WDR70: variants seen among roughly 807,000 people sequenced by gnomAD.
WDR70 encodes WD repeat domain 70.
In WDR70, 53 loss-of-function variants were observed where a neutral mutation model predicts 88.6. The observed-to-expected ratio is 0.60, with a 90% CI of 0.48 to 0.75. The LOEUF (loss-of-function observed/expected upper bound fraction) is 0.75, where lower values mean the gene tolerates loss of function less well. Among genes scored for constraint, WDR70 ranks in the 30% least tolerant of loss-of-function variants. The probability of loss-of-function intolerance (pLI) is 0.00; values close to 1 mark genes in which losing one functional copy is unlikely to be tolerated. For missense variants in WDR70, 610 were observed against 823.2 expected (o/e 0.74, Z 3.17); for synonymous variants, 280 against 270.0 (o/e 1.04, Z -0.36).
chr5:37,563,192 C>T lies in WDR70; in HGVS notation c.918-41872C>T, dbSNP rs563745630. On this transcript the variant is annotated intron_variant, in intron 9 of 17. Transcript: ENST00000265107. ...GGCGGGGGGCTGACCCCCCCACCTCCCTCCTGGACGGGGCGGCTGGCCGGG... is the reference window on the plus strand; with the variant it reads ...GGCGGGGGGCTGACCCCCCCACCTCTCTCCTGGACGGGGCGGCTGGCCGGG... Among the ~76,000 whole-genome samples the T allele has an allele frequency of 6.3e-3, 408 of 64,494 alleles. 75 individuals are homozygous for T. Among genetic ancestry groups the T allele is most frequent in the African/African-American group, 0.016 (366 of 22,976 alleles). The allele number at this position is 64,494 out of a possible 152,430, so 42.3% of individuals were successfully genotyped here.
chr5:37,512,419 G>A (rs1740747764), intron 8 of WDR70, among the ~76,000 whole-genome samples: 1 of 151,932 alleles, frequency 6.6e-6, no homozygotes, highest in Non-Finnish European at 1.5e-5. Flanking sequence ...ATGGGGTTTA[G>A]CCATCTTGCC....
intron 5 of WDR70, among the ~76,000 whole-genome samples, chr5:37,422,005 T>C (rs1438965024): frequency 1.3e-5 from 2 of 152,052 alleles, no homozygotes; most frequent in Admixed American, 1.3e-4. Context: ...TACTTCTTAG[T>C]TCTGTTACAG....
At chr5:37,677,087 T>G (rs1746250420) in intron 10 of WDR70, among the ~76,000 whole-genome samples, 1 of 152,168 alleles carries the variant, frequency 6.6e-6, no homozygotes, top group Non-Finnish European at 1.5e-5. Context: ...GATATCCCCT[T>G]TATTATTTTT....
intron 10 of WDR70, among the ~76,000 whole-genome samples, chr5:37,641,128 CT>C (rs1376677356): frequency 1.3e-5 from 2 of 152,288 alleles, no homozygotes; most frequent in African/African-American, 2.4e-5. Flanking sequence ...TTTTTTCCCC[CT>C]GACACAATTT....
intron 9 of WDR70, among the ~76,000 whole-genome samples, chr5:37,529,192 A>G (rs778366839): frequency 1.3e-5 from 2 of 151,950 alleles, no homozygotes; most frequent in Non-Finnish European, 2.9e-5. Flanking sequence ...GCCTATTTTT[A>G]TACCAATATC....
At chr5:37,732,223 G>A (rs756871302) in intron 17 of WDR70, among the ~76,000 whole-genome samples, 7 of 152,094 alleles carry the variant, frequency 4.6e-5, no homozygotes, top group Admixed American at 2.6e-4. Flanking sequence ...AGAGAGATAT[G>A]TGTAGATACA....
At chr5:37,618,255 T>C (rs1744402654) in intron 10 of WDR70, among the ~76,000 whole-genome samples, 1 of 152,232 alleles carries the variant, frequency 6.6e-6, no homozygotes, top group Non-Finnish European at 1.5e-5. Flanking sequence ...TTCATTATAT[T>C]GAATAAGCAG....
intron 10 of WDR70, among the ~76,000 whole-genome samples, chr5:37,658,598 C>T (rs1030110220): frequency 5.3e-5 from 8 of 152,112 alleles, no homozygotes; most frequent in Admixed American, 4.6e-4. Flanking sequence ...CAGAATTAGT[C>T]ACTTCCTCCT....
chr5:37,424,755 T>C (rs1750069330), intron 5 of WDR70, among the ~76,000 whole-genome samples: 1 of 152,104 alleles, frequency 6.6e-6, no homozygotes, highest in Non-Finnish European at 1.5e-5. Context: ...TAACTTTGCG[T>C]TGATGTGAAT....
chr5:37,448,598 G>A (rs1166586040), intron 7 of WDR70, among the ~76,000 whole-genome samples: 1 of 152,100 alleles, frequency 6.6e-6, no homozygotes, highest in Non-Finnish European at 1.5e-5. Flanking sequence ...TTATAGATAA[G>A]CTACAAAGAT....
At chr5:37,398,681 T>C (rs1749102859) in intron 5 of WDR70, among the ~76,000 whole-genome samples, 2 of 152,218 alleles carry the variant, frequency 1.3e-5, no homozygotes, top group Non-Finnish European at 1.5e-5. Context: ...TGCACATGCA[T>C]TCATGTGTGT....
chr5:37,502,258 C>G (rs1287951315), intron 8 of WDR70, among the ~76,000 whole-genome samples: 1 of 151,734 alleles, frequency 6.6e-6, no homozygotes, highest in Non-Finnish European at 1.5e-5. Flanking sequence ...AGTTTGGTTG[C>G]CCTTTATTTT....
rs1254168125 is a variant in WDR70, at chr5:37,470,125, AAAAACAAAAAC to A, written c.687-9704_687-9694del. 1.3e-3 allele frequency among the ~76,000 whole-genome samples: 10 copies of A among 7,452 alleles called. No homozygotes were observed. In the South Asian group the frequency reaches 0.35, roughly 261 times the overall value. The allele number at this position is 7,452 out of a possible 152,430, so 4.9% of individuals were successfully genotyped here. A position where few individuals can be genotyped will look rare whatever the true frequency, so the allele number is the denominator to read the frequency against. On this transcript the variant is annotated intron_variant, in intron 7 of 17. Coordinates refer to ENST00000265107, the MANE Select transcript of WDR70 (RefSeq NM_018034.4). Reference sequence around the variant, plus strand: ...GCCCATGTAAGCAAAAAACAAAAACAAAAACAAAAACAAAAAAAAACGCACAAAAATAAACC... The same window carrying A: ...GCCCATGTAAGCAAAAAACAAAAACAAAAAAAAAACGCACAAAAATAAACC...
intron 8 of WDR70, among the ~76,000 whole-genome samples, chr5:37,487,627 A>ATTTTTTTTTTTTTTT (rs70978825): frequency 5.8e-5 from 4 of 69,070 alleles, no homozygotes; most frequent in African/African-American, 2.0e-4. Context: ...ATATATATGT[A>ATTTTTTTTTTTTTTT]TTTTTTTTTT....
intron 9 of WDR70, among the ~76,000 whole-genome samples, chr5:37,592,257 T>A (rs546000417): frequency 3.3e-5 from 5 of 152,276 alleles, no homozygotes; most frequent in East Asian, 1.9e-4. Context: ...TTTAAAAAAA[T>A]TTTTTGCATC....
intron 8 of WDR70, among the ~76,000 whole-genome samples, chr5:37,486,492 C>T (rs1041785493): frequency 8.9e-5 from 8 of 89,690 alleles, no homozygotes; most frequent in African/African-American, 1.3e-4. Context: ...TACAGGCGCC[C>T]GACACCCACG....
intron 17 of WDR70, among the ~76,000 whole-genome samples, chr5:37,734,150 A>G (rs536755145): frequency 1.3e-5 from 2 of 152,176 alleles, no homozygotes; most frequent in South Asian, 2.1e-4. Context: ...TATACCTACT[A>G]TTTCTTTTTA....
At chr5:37,391,430 C>G (rs1748816189) in intron 3 of WDR70, among the ~76,000 whole-genome samples, 1 of 152,164 alleles carries the variant, frequency 6.6e-6, no homozygotes. Context: ...CTCCCTCTAG[C>G]CTCTGATAAC....
intron 7 of WDR70, among the ~76,000 whole-genome samples, chr5:37,474,533 A>T (rs543294303): frequency 6.6e-6 from 1 of 152,132 alleles, no homozygotes; most frequent in African/African-American, 2.4e-5. Context: ...TGCCTGGTAG[A>T]TTTCCCCATT....
Sources: allele counts gnomAD v4.1 joint callset (sites outside exome capture counted in the v4.1 genomes callset), GRCh38; gene constraint gnomAD v4.1.1; transcripts MANE v1.5; gene names NCBI Gene and HGNC (gene_info 2026-07-23, HGNC 2026-07-21).